SLC17A5: variants seen among roughly 807,000 people sequenced by gnomAD.
The protein encoded by SLC17A5 is solute carrier family 17 member 5, also known as sialin.
SLC17A5 carries 47 observed loss-of-function variants against 59.4 expected under a neutral mutation model. The observed-to-expected ratio is 0.79, with a 90% CI of 0.63 to 1.01. The LOEUF is 1.01. Among genes scored for constraint, SLC17A5 ranks in the 50% least tolerant of loss-of-function variants. The probability of loss-of-function intolerance (pLI) is 0.00; values close to 1 mark genes in which losing one functional copy is unlikely to be tolerated. For missense variants in SLC17A5, 522 were observed against 595.5 expected (o/e 0.88, Z 1.28); for synonymous variants, 202 against 210.7 (o/e 0.96, Z 0.36).
At chr6:73,650,502 C>T (rs573410047) in intron 1 of SLC17A5, among the ~76,000 whole-genome samples, 3 of 122,210 alleles carry the variant, frequency 2.5e-5, no homozygotes, top group South Asian at 5.2e-4. Context: ...AGCAAGACTC[C>T]GTCTCAAAAA....
At chr6:73,634,022 T>G (rs1768888557) in intron 6 of SLC17A5, among the ~76,000 whole-genome samples, 1 of 152,144 alleles carries the variant, frequency 6.6e-6, no homozygotes, top group Non-Finnish European at 1.5e-5. Context: ...TATTTTAATC[T>G]TTCCTAATGT....
chr6:73,638,896 T>C (rs1769150423), intron 3 of SLC17A5, among the ~76,000 whole-genome samples: 1 of 152,134 alleles, frequency 6.6e-6, no homozygotes, highest in South Asian at 2.1e-4. Flanking sequence ...TCTAAAATAA[T>C]TGTACTGAGT....
chr6:73,629,753 CAACAAGAG>C (rs1768607850), intron 6 of SLC17A5, among the ~76,000 whole-genome samples: 1 of 151,712 alleles, frequency 6.6e-6, no homozygotes, highest in Non-Finnish European at 1.5e-5. Flanking sequence ...CCAGCCTGGG[CAACAAGAG>C]AACAAGAGCG....
At chr6:73,602,057 A>G (rs9341427) in intron 9 of SLC17A5, among the ~76,000 whole-genome samples, 8,632 of 152,020 alleles carry the variant, frequency 0.057, 446 homozygotes, top group Admixed American at 0.17. Context: ...TGTAGAAAGA[A>G]GTAGACATGG....
chr6:73,630,626 T>C (rs903146252), intron 6 of SLC17A5, among the ~76,000 whole-genome samples: 3 of 151,848 alleles, frequency 2.0e-5, no homozygotes, highest in African/African-American at 7.2e-5. Flanking sequence ...CTTCCAGCTG[T>C]TCCTCCTCCT....
chr6:73,618,947 G>A (rs1768005897), intron 7 of SLC17A5, among the ~76,000 whole-genome samples: 2 of 152,036 alleles, frequency 1.3e-5, no homozygotes, highest in African/African-American at 2.4e-5. Context: ...GGCTGGTCTC[G>A]AACTCTTGAG....
At position 73,601,814 on chromosome 6, in the gene SLC17A5, T is replaced by TG. The variant is rs1274083473; in HGVS notation, c.1260-1374dup. Among the ~76,000 whole-genome samples, 38 of 132,818 alleles carry TG rather than the reference T, an allele frequency of 2.9e-4. 1 individual carries two copies. Among genetic ancestry groups the TG allele is most frequent in the Admixed American group, 5.3e-4 (7 of 13,234 alleles). 87.1% of individuals were successfully genotyped at this position (132,818 alleles called of 152,430 possible). ...CCAGCCGCTCCGTCCGGGAGGGAGG[T>TG]GGGGGGGTCAGCCCCCTGCCCGGCC... On this transcript the variant is annotated intron_variant, in intron 9 of 10. Coordinates refer to ENST00000355773, the MANE Select transcript of SLC17A5 (RefSeq NM_012434.5).
At chr6:73,642,934 C>T (rs1455042284) in intron 2 of SLC17A5, among the ~76,000 whole-genome samples, 1 of 152,106 alleles carries the variant, frequency 6.6e-6, no homozygotes, top group South Asian at 2.1e-4. Context: ...CTGAAGGTCA[C>T]AGGTTGGAGT....
At chr6:73,601,430 C>A (rs1767083755) in intron 9 of SLC17A5, among the ~76,000 whole-genome samples, 2 of 143,172 alleles carry the variant, frequency 1.4e-5, no homozygotes, top group South Asian at 4.8e-4. Flanking sequence ...CAGCCCCGCG[C>A]CCGGCCAGCC....
intron 9 of SLC17A5, among the ~76,000 whole-genome samples, chr6:73,607,000 T>C (rs909406784): frequency 6.6e-6 from 1 of 152,218 alleles, no homozygotes; most frequent in Non-Finnish European, 1.5e-5. Context: ...GACCCAATGG[T>C]GGCTCTTTAG....
rs572977100 is a variant in SLC17A5, at chr6:73,625,462, C to A, written c.820-3500G>T. On this transcript the variant is annotated intron_variant, in intron 6 of 10. Coordinates refer to ENST00000355773, the MANE Select transcript of SLC17A5 (RefSeq NM_012434.5). ...TCGGTCTCCCAAAGTGCTGGGATTA[C>A]AAGCGTGAGCCAGTGAGCCATTGCG... Among the ~76,000 whole-genome samples, 4 of 152,234 alleles carry A rather than the reference C, an allele frequency of 2.6e-5. No homozygotes were observed. In the South Asian group the frequency reaches 8.3e-4, roughly 32 times the overall value.
rs1465137980 is a variant in SLC17A5, at chr6:73,593,616, G to C, written c.*1461C>G. 1 of 152,178 alleles carries C rather than the reference G, an allele frequency of 6.6e-6. No individual in the cohort carries two copies. The highest frequency in any genetic ancestry group is 1.5e-5 in the Non-Finnish European group (1 of 68,034). 9.4% of individuals were successfully genotyped at this position (152,178 alleles called of 1,614,324 possible). On this transcript the variant is annotated 3_prime_UTR_variant, in exon 11 of 11. Coordinates refer to ENST00000355773, the MANE Select transcript of SLC17A5 (RefSeq NM_012434.5). The stretch of plus-strand genomic sequence containing the variant: ...GGAGGATGGTCCACTGGAAAAATAT[G>C]ATTTCAGGAACCAGAAGTAAAGATG...
chr6:73,614,310 T>C (rs548557742), intron 8 of SLC17A5, among the ~76,000 whole-genome samples: 3 of 152,232 alleles, frequency 2.0e-5, no homozygotes, highest in East Asian at 3.9e-4. Flanking sequence ...TGGTGGCTCA[T>C]GTCTGTAATC....
At chr6:73,616,605 G>A (rs1024227432) in intron 7 of SLC17A5, among the ~76,000 whole-genome samples, 2 of 147,670 alleles carry the variant, frequency 1.4e-5, no homozygotes, top group African/African-American at 5.0e-5. Flanking sequence ...GAACTGGAGA[G>A]TCTTTTTTTT....
chr6:73,602,472 A>G (rs1029956420), intron 9 of SLC17A5, among the ~76,000 whole-genome samples: 2 of 139,960 alleles, frequency 1.4e-5, no homozygotes, highest in Admixed American at 7.0e-5. Flanking sequence ...ACAACAACAA[A>G]AAACATTAAC....
At chr6:73,614,926 A>G (rs1767788215) in intron 8 of SLC17A5, among the ~76,000 whole-genome samples, 1 of 152,184 alleles carries the variant, frequency 6.6e-6, no homozygotes, top group African/African-American at 2.4e-5. Flanking sequence ...CTAGCAGATT[A>G]ACTGAACCTG....
chr6:73,602,712 T>C (rs1209656176), intron 9 of SLC17A5, among the ~76,000 whole-genome samples: 1 of 151,208 alleles, frequency 6.6e-6, no homozygotes, highest in East Asian at 1.9e-4. Flanking sequence ...GAGGCGGAGC[T>C]TGCAGTGAGC....
chr6:73,610,040 T>C (rs1182096247), intron 9 of SLC17A5, among the ~76,000 whole-genome samples: 1 of 148,416 alleles, frequency 6.7e-6, no homozygotes, highest in Non-Finnish European at 1.5e-5. Context: ...TTTATCAGGT[T>C]TTTTTTTTTT....
At chr6:73,597,653 T>C (rs932273761) in intron 10 of SLC17A5, among the ~76,000 whole-genome samples, 5 of 151,696 alleles carry the variant, frequency 3.3e-5, no homozygotes, top group Non-Finnish European at 5.9e-5. Flanking sequence ...GACATGGTAG[T>C]GTACATCTGT....
Sources: gnomAD v4.1 joint callset for allele counts (sites outside exome capture counted in the v4.1 genomes callset) on GRCh38, gnomAD v4.1.1 for gene constraint, MANE v1.5 for transcripts, NCBI Gene and HGNC (gene_info 2026-07-23, HGNC 2026-07-21) for gene names.